Variants in GLIS3 observed in about 807,000 individuals in gnomAD.
GLIS3 encodes zinc finger protein GLIS3.
GLIS3 carries 53 observed loss-of-function variants against 78.6 expected under a neutral mutation model. The ratio of observed to expected loss-of-function variants is 0.67; its 90% CI spans 0.54 to 0.85. The LOEUF (loss-of-function observed/expected upper bound fraction) is 0.85. GLIS3 is among the 40% of genes least tolerant of loss of function. The pLI is 0.00. For missense variants in GLIS3, 1,703 were observed against 1,231.1 expected (o/e 1.38, Z -5.74); for synonymous variants, 684 against 509.9 (o/e 1.34, Z -4.60).
At position 4,320,463 on chromosome 9, in the gene GLIS3, G is replaced by T. The variant is rs371345455; in HGVS notation, n.265-9935C>A. On this transcript the variant is annotated intron_variant and non_coding_transcript_variant, in intron 2 of 4. Coordinates refer to the GLIS3 transcript ENST00000471664. ...TTTATTGCCAAGCCAGAAACTTAGG[G>T]ATTTATCCTTCACACCTTTCTCTCT... Among the ~76,000 whole-genome samples the T allele has an allele frequency of 2.4e-4, 37 of 152,216 alleles. No homozygotes were observed. The East Asian group carries it at 4.4e-3, about 18-fold the overall frequency.
At chr9:4,351,034 A>T (rs909505493), upstream of GLIS3, among the ~76,000 whole-genome samples, 6 of 152,064 alleles carry the variant, frequency 3.9e-5, no homozygotes, top group African/African-American at 1.4e-4. Flanking sequence ...CAAGGCCTTG[A>T]AGTGCTGGGC....
At chr9:4,449,094 G>C in the GLIS3 span, among the ~76,000 whole-genome samples, 1 of 152,134 alleles carries the variant, frequency 6.6e-6, no homozygotes, top group Non-Finnish European at 1.5e-5. Flanking sequence ...ACGGCACCTG[G>C]AAAATCGGGA....
intron 2 of GLIS3, among the ~76,000 whole-genome samples, chr9:4,332,958 T>C (rs1817707123): frequency 6.6e-6 from 1 of 152,262 alleles, no homozygotes; most frequent in African/African-American, 2.4e-5. Flanking sequence ...CTTGATTCAA[T>C]GTTAACGTTT....
the GLIS3 span, among the ~76,000 whole-genome samples, chr9:4,490,045 A>T: frequency 1.3e-5 from 2 of 152,214 alleles, no homozygotes; most frequent in Admixed American, 1.3e-4. Flanking sequence ...AGGCAGGATC[A>T]GCTTCCCCCG....
At chr9:4,465,725 T>C in the GLIS3 span, among the ~76,000 whole-genome samples, 15 of 152,260 alleles carry the variant, frequency 9.9e-5, no homozygotes, top group South Asian at 2.9e-3. Context: ...ACACCTACTA[T>C]GCATCTACAA....
intron 2 of GLIS3, among the ~76,000 whole-genome samples, chr9:4,158,013 C>T (rs546904841): frequency 6.6e-6 from 1 of 152,214 alleles, no homozygotes; most frequent in Admixed American, 6.5e-5. Flanking sequence ...ACCGACAAAA[C>T]TCTGAATTGC....
chr9:4,073,728 C>T (rs1408273463), intron 4 of GLIS3, among the ~76,000 whole-genome samples: 1 of 152,174 alleles, frequency 6.6e-6, no homozygotes, highest in East Asian at 1.9e-4. Flanking sequence ...GCTTGCTCCC[C>T]CAATAGCTTA....
chr9:3,988,412 C>T (rs1819945805), intron 4 of GLIS3, among the ~76,000 whole-genome samples: 1 of 152,090 alleles, frequency 6.6e-6, no homozygotes, highest in South Asian at 2.1e-4. Context: ...CCACTTGATA[C>T]TCAAGACGAT....
chr9:4,180,732 T>C (rs1049312140), intron 2 of GLIS3, among the ~76,000 whole-genome samples: 1 of 152,182 alleles, frequency 6.6e-6, no homozygotes, highest in African/African-American at 2.4e-5. Flanking sequence ...TTTACATATG[T>C]AAGAGTTATA....
chr9:4,445,669 T>C, the GLIS3 span, among the ~76,000 whole-genome samples: 2 of 152,142 alleles, frequency 1.3e-5, no homozygotes, highest in Admixed American at 1.3e-4. Flanking sequence ...TAAACTAGTC[T>C]AGATTTAAGG....
chr9:3,907,116 A>G (rs1588199015), intron 6 of GLIS3, among the ~76,000 whole-genome samples: 2 of 152,230 alleles, frequency 1.3e-5, no homozygotes, highest in African/African-American at 4.8e-5. Context: ...GGGTACAAGA[A>G]GAACTGCAGA....
chr9:4,026,396 C>A (rs763294898), intron 4 of GLIS3, among the ~76,000 whole-genome samples: 3 of 152,180 alleles, frequency 2.0e-5, no homozygotes, highest in Non-Finnish European at 4.4e-5. Context: ...AGCAACAATG[C>A]CTACAATGAG....
chr9:3,964,418 C>T (rs947445481), intron 4 of GLIS3, among the ~76,000 whole-genome samples: 1 of 145,240 alleles, frequency 6.9e-6, no homozygotes, highest in Non-Finnish European at 1.5e-5. Flanking sequence ...CAAGACGTTA[C>T]CCCCCCAAAA....
intron 1 of GLIS3, among the ~76,000 whole-genome samples, chr9:4,290,469 T>G (rs938627036): frequency 6.6e-6 from 1 of 152,166 alleles, no homozygotes; most frequent in Non-Finnish European, 1.5e-5. Flanking sequence ...GCCTTGTTAA[T>G]AGGTCCCTGC....
At chr9:4,285,943 T>G (rs759302471) in intron 2 of GLIS3, 95 bp downstream of exon 2, 1 of 1,412,000 alleles carries the variant, frequency 7.1e-7, no homozygotes, top group East Asian at 2.3e-5. Context: ...TGACACTGAA[T>G]CATGTATTTT....
At chr9:4,165,518 T>G (rs1454246736) in intron 2 of GLIS3, among the ~76,000 whole-genome samples, 1 of 152,202 alleles carries the variant, frequency 6.6e-6, no homozygotes, top group African/African-American at 2.4e-5. Context: ...TGTTTACAGA[T>G]AAATGCTTAT....
chr9:4,397,024 CTTTTTTTT>C, the GLIS3 span, among the ~76,000 whole-genome samples: 19 of 121,214 alleles, frequency 1.6e-4, no homozygotes, highest in South Asian at 2.7e-4. Flanking sequence ...TTCTTTTTTT[CTTTTTTTT>C]TTTTTTTTTT....
At chr9:4,257,584 TA>T (rs199733380) in intron 2 of GLIS3, among the ~76,000 whole-genome samples, 11 of 27,274 alleles carry the variant, frequency 4.0e-4, no homozygotes, top group Admixed American at 1.1e-3. Context: ...TTGTTGTTGT[TA>T]TTTTTTGAGA....
the GLIS3 span, among the ~76,000 whole-genome samples, chr9:4,448,431 G>C: frequency 5.3e-5 from 8 of 152,214 alleles, no homozygotes; most frequent in East Asian, 1.2e-3. Context: ...TGGCAGAGAA[G>C]TTGAGCCACT....
Sources: gnomAD v4.1 joint callset for allele counts (sites outside exome capture counted in the v4.1 genomes callset) on GRCh38, gnomAD v4.1.1 for gene constraint, MANE v1.5 for transcripts, NCBI Gene and HGNC (gene_info 2026-07-23, HGNC 2026-07-21) for gene names.